The following COL4A3 variants were observed in gnomAD, a reference collection of about 807,000 sequenced individuals.
The protein encoded by COL4A3 is collagen alpha-3(IV) chain.
A neutral mutation model predicts 217.4 loss-of-function variants in COL4A3; 135 were observed. The observed-to-expected ratio is 0.62, with a 90% CI of 0.54 to 0.72. The LOEUF (loss-of-function observed/expected upper bound fraction) is 0.72. Among genes scored for constraint, COL4A3 ranks in the 30% least tolerant of loss-of-function variants. COL4A3 has a pLI of 0.00. For synonymous variants in COL4A3, 690 were observed against 736.3 expected (o/e 0.94, Z 1.02); for missense variants, 1,868 against 2,119.9 (o/e 0.88, Z 2.33).
intron 5 of COL4A3, 140 bp from the exon 6 acceptor site, chr2:227,245,814 A>C (rs1381797922): frequency 1.3e-6 from 1 of 740,946 alleles, no homozygotes; most frequent in Non-Finnish European, 2.5e-6. Flanking sequence ...TATATGTAAA[A>C]CCACAATGTA....
chr2:227,251,014 C>A, intron 9 of COL4A3, 126 bp from the exon 10 acceptor site: 1 of 763,522 alleles, frequency 1.3e-6, no homozygotes, highest in Non-Finnish European at 2.3e-6. Flanking sequence ...TAGCTGCAGC[C>A]ACTGAAAGGG....
At position 227,197,646 on chromosome 2, in the gene COL4A3, C is replaced by G. The variant is rs558195029; in HGVS notation, c.87+32833C>G. Among the ~76,000 whole-genome samples the G allele has an allele frequency of 1.3e-3, 194 of 152,250 alleles. 1 individual carries two copies. Among genetic ancestry groups the G allele is most frequent in the African/African-American group, 4.4e-3 (184 of 41,536 alleles). ...TCAAAAGAGAAAGACATAATCTTAT[C>G]CCTAAGGTTACCAGAAAGCATTTGG... is the stretch of plus-strand genomic sequence containing the variant. On this transcript the variant is annotated intron_variant, in intron 1 of 51. Transcript: ENST00000396578.
At chr2:227,277,209 C>T (rs2071622382) in intron 27 of COL4A3, among the ~76,000 whole-genome samples, 1 of 151,716 alleles carries the variant, frequency 6.6e-6, no homozygotes, top group African/African-American at 2.4e-5. Context: ...GTCCCAGCTA[C>T]TCGGGAGGCT....
intron 1 of COL4A3, among the ~76,000 whole-genome samples, chr2:227,210,595 GA>G (rs1393400763): frequency 6.6e-6 from 1 of 151,840 alleles, no homozygotes; most frequent in Non-Finnish European, 1.5e-5. Flanking sequence ...ATCTCAAAAA[GA>G]AAAAAAGAAT....
Position 227,277,510 on chromosome 2 carries a change from A to G in COL4A3, c.2082A>G (p.Pro694=), listed in dbSNP as rs767541394. 7.4e-6 allele frequency: 12 copies of G among 1,612,700 alleles called. No homozygotes were observed. The highest frequency in any genetic ancestry group is 1.6e-4 in the Middle Eastern group (1 of 6,062). Residue 694 remains proline, a synonymous_variant, in exon 28 of 52, where the codon CCA becomes CCG. Transcript: ENST00000396578. ...GTCTTCCAGGGCCTGATGGTGAACC[A>G]GGAATTCCAGGAATTGGATTTCCTG... is the stretch of plus-strand genomic sequence containing the variant. ...DPGLPGPDGE[P]GIPGIGFPGP...
chr2:227,277,002 A>C (rs1215097018), intron 27 of COL4A3, among the ~76,000 whole-genome samples: 1 of 151,910 alleles, frequency 6.6e-6, no homozygotes, highest in East Asian at 1.9e-4. Flanking sequence ...AGGGAGGGGG[A>C]GCATATGATT....
rs73088291 is a variant in COL4A3 at position 227,218,026 on chromosome 2, C to A, written c.88-19942C>A. On this transcript the variant is annotated intron_variant, in intron 1 of 51. Coordinates refer to ENST00000396578, the MANE Select transcript of COL4A3 (RefSeq NM_000091.5). ...CAAACTCCATATAACTATATATAGT[C>A]ACATATATAGTTATAACTATATTTA... is the stretch of plus-strand genomic sequence containing the variant. 1.0e-3 allele frequency among the ~76,000 whole-genome samples: 155 copies of A among 148,362 alleles called. 1 individual carries two copies. Among genetic ancestry groups the A allele is most frequent in the African/African-American group, 3.5e-3 (141 of 40,796 alleles).
At position 227,184,839 on chromosome 2, in the gene COL4A3, T is replaced by C. The variant is rs185952335; in HGVS notation, c.87+20026T>C. ...ATGCGCATTTTAGAAAAATTCTCTCTAAACTTGTGTATACATTCTTGACCC... is the reference window on the plus strand; with the variant it reads ...ATGCGCATTTTAGAAAAATTCTCTCCAAACTTGTGTATACATTCTTGACCC... On this transcript the variant is annotated intron_variant, in intron 1 of 51. Coordinates refer to ENST00000396578, the MANE Select transcript of COL4A3 (RefSeq NM_000091.5). Among the ~76,000 whole-genome samples the C allele has an allele frequency of 3.4e-5, 5 of 148,600 alleles. No homozygotes were observed. The South Asian group carries it at 6.5e-4, about 19-fold the overall frequency.
chr2:227,244,914 T>C, intron 4 of COL4A3, 37 bp from the exon 5 acceptor site: 1 of 1,607,226 alleles, frequency 6.2e-7, no homozygotes, highest in Non-Finnish European at 8.5e-7. Flanking sequence ...TAAAGTTTTT[T>C]TTTTTTGCCA....
At chr2:227,177,077 T>C (rs976795055) in intron 1 of COL4A3, among the ~76,000 whole-genome samples, 6 of 152,170 alleles carry the variant, frequency 3.9e-5, no homozygotes, top group Non-Finnish European at 8.8e-5. Flanking sequence ...CCAGATTTTT[T>C]TTTCTCCACT....
intron 33 of COL4A3, 83 bp downstream of exon 33, chr2:227,283,939 T>C (rs554816981): frequency 6.3e-6 from 8 of 1,279,062 alleles, no homozygotes; most frequent in African/African-American, 5.9e-5. Context: ...TATGTTTCAT[T>C]GGAGGGAAAA....
rs1324432685 is a variant in COL4A3 at position 227,312,414 on chromosome 2, G to A, written c.*544G>A. On this transcript the variant is annotated 3_prime_UTR_variant, in exon 52 of 52. Transcript: ENST00000396578. ...CTGATGGAACACAGAACTGAACTGA[G>A]GTTCATGGATTTTCCAGGACTGTTT... 6.4e-6 allele frequency: 1 copy of A among 155,250 alleles called. No homozygotes were observed. The highest frequency in any genetic ancestry group is 1.4e-5 in the Non-Finnish European group (1 of 69,974). 9.6% of individuals were successfully genotyped at this position (155,250 alleles called of 1,614,324 possible). A position where few individuals can be genotyped will look rare whatever the true frequency, so the allele number is the denominator to read the frequency against.
chr2:227,262,931 A>G (rs906820265), intron 20 of COL4A3, among the ~76,000 whole-genome samples: 9 of 152,222 alleles, frequency 5.9e-5, no homozygotes, highest in Admixed American at 3.3e-4. Context: ...TAACTGGAAG[A>G]GAGGACATGA....
At chr2:227,266,567 A>T (rs1402065706) in intron 22 of COL4A3, 58 bp downstream of exon 22, 2 of 1,335,694 alleles carry the variant, frequency 1.5e-6, no homozygotes, top group Non-Finnish European at 2.1e-6. Flanking sequence ...CATTATTATC[A>T]CTGATTTTTC....
chr2:227,191,630 C>G lies in COL4A3; in HGVS notation c.87+26817C>G, dbSNP rs1247209788. 3.3e-5 allele frequency among the ~76,000 whole-genome samples: 5 copies of G among 152,182 alleles called. 1 individual carries two copies. The highest frequency in any genetic ancestry group is 4.1e-4 in the South Asian group (2 of 4,834). ...TTTCAAAGTCGGCCAAATAACTCAT[C>G]TTGGAGACAGATGTAGCTGAAGTTT... On this transcript the variant is annotated intron_variant, in intron 1 of 51. Transcript: ENST00000396578. This position sits in a 1 kb window ranked among gnomAD's most constrained non-coding sequence, Gnocchi z 6.8.
chr2:227,241,624 T>C (rs143109230), intron 3 of COL4A3, among the ~76,000 whole-genome samples: 1 of 152,164 alleles, frequency 6.6e-6, no homozygotes, highest in East Asian at 1.9e-4. Flanking sequence ...CAGTGAGCCA[T>C]GATCATGCTA....
chr2:227,260,139 G>C (rs941211554), intron 19 of COL4A3: 8 of 623,362 alleles, frequency 1.3e-5, no homozygotes, highest in Non-Finnish European at 2.1e-5. Flanking sequence ...TTGCTGGAGG[G>C]CAGGAGGAGG....
At chr2:227,171,511 T>C (rs932480023) in intron 1 of COL4A3, among the ~76,000 whole-genome samples, 8 of 151,352 alleles carry the variant, frequency 5.3e-5, no homozygotes, top group African/African-American at 7.3e-5. Flanking sequence ...AAAATCCACA[T>C]GTGCGTTGTT....
intron 1 of COL4A3, among the ~76,000 whole-genome samples, chr2:227,202,756 T>C (rs1432595830): frequency 7.9e-6 from 1 of 127,028 alleles, no homozygotes; most frequent in South Asian, 2.3e-4. Flanking sequence ...AATATATATA[T>C]ATATATATAT....
Sources: gnomAD v4.1 joint callset for allele counts (sites outside exome capture counted in the v4.1 genomes callset) on GRCh38, gnomAD v4.1.1 for gene constraint, Gnocchi (gnomAD v3.1) non-coding constraint, MANE v1.5 for transcripts, NCBI Gene and HGNC (gene_info 2026-07-23, HGNC 2026-07-21) for gene names.